The following ANK1 variants were observed in gnomAD, a reference collection of about 807,000 sequenced individuals.
The protein encoded by ANK1 is ankyrin 1.
A neutral mutation model predicts 210.4 loss-of-function variants in ANK1; 51 were observed. The observed-to-expected ratio is 0.24, with a 90% CI of 0.19 to 0.31. The LOEUF is 0.31. Among genes scored for constraint, ANK1 ranks in the 10% least tolerant of loss-of-function variants. ANK1 has a pLI of 1.00. For synonymous variants in ANK1, 967 were observed against 1,025.9 expected, an observed-to-expected ratio of 0.94 and a Z score of 1.10; for missense variants, 2,051 against 2,504.4, an observed-to-expected ratio of 0.82 and a Z score of 3.86.
intron 1 of ANK1, among the ~76,000 whole-genome samples, chr8:41,786,479 C>T (rs1490994108): frequency 2.0e-5 from 3 of 152,258 alleles, no homozygotes; most frequent in Admixed American, 6.5e-5. Flanking sequence ...CCAGCCACTG[C>T]TGGCTCTGAA....
chr8:41,718,862 CA>C, intron 10 of ANK1, among the ~76,000 whole-genome samples: 1 of 152,296 alleles, frequency 6.6e-6, no homozygotes, highest in Non-Finnish European at 1.5e-5. Flanking sequence ...AAACATCCTA[CA>C]ACACACAAGA....
intron 1 of ANK1, among the ~76,000 whole-genome samples, chr8:41,852,517 G>A (rs567471345): frequency 4.6e-5 from 7 of 152,202 alleles, no homozygotes; most frequent in Non-Finnish European, 8.8e-5. Context: ...GAGGCTGGGA[G>A]AGGCCCCAAG....
At chr8:41,776,483 A>T (rs375197589) in intron 1 of ANK1, among the ~76,000 whole-genome samples, 1 of 152,166 alleles carries the variant, frequency 6.6e-6, no homozygotes, top group Admixed American at 6.5e-5. Context: ...TCCATTGCAC[A>T]CTTCTGAACC....
intron 1 of ANK1, among the ~76,000 whole-genome samples, chr8:41,805,917 C>T (rs1035210886): frequency 5.3e-5 from 8 of 152,168 alleles, no homozygotes; most frequent in African/African-American, 1.4e-4. Context: ...ATTTTAATAG[C>T]CTTTTCATTT....
At chr8:41,803,263 G>A (rs986162376) in intron 1 of ANK1, 1 of 152,142 alleles carries the variant, frequency 6.6e-6, no homozygotes, top group Non-Finnish European at 1.5e-5. Flanking sequence ...GGTTGTTACA[G>A]TCTATAGATA....
intron 1 of ANK1, among the ~76,000 whole-genome samples, chr8:41,861,863 C>A (rs190167869): frequency 1.3e-5 from 2 of 152,220 alleles, no homozygotes; most frequent in East Asian, 1.9e-4. Context: ...TCTGAGCACG[C>A]CTTCTTAGAA....
In ANK1 at chr8:41,781,055, A is replaced by G. The variant is rs1409479723; in HGVS notation, c.27+16457T>C. 3.9e-5 allele frequency among the ~76,000 whole-genome samples: 6 copies of G among 152,192 alleles called. No individual in the cohort carries two copies. The East Asian group carries it at 1.2e-3, about 29-fold the overall frequency. ...TGTAAAATCCTCAACCAGAAGTGCTAAAGAGAAACGTCTCTGCCTGGTTCT... is the reference window on the plus strand; with the variant it reads ...TGTAAAATCCTCAACCAGAAGTGCTGAAGAGAAACGTCTCTGCCTGGTTCT... On this transcript the variant is annotated intron_variant, in intron 1 of 42. Coordinates refer to ENST00000289734, the MANE Select transcript of ANK1 (RefSeq NM_000037.4).
chr8:41,831,469 G>A (rs1394819737), intron 1 of ANK1, among the ~76,000 whole-genome samples: 1 of 152,028 alleles, frequency 6.6e-6, no homozygotes, highest in Non-Finnish European at 1.5e-5. Context: ...AAAACATGGT[G>A]AAACCCCATC....
chr8:41,849,908 G>A (rs1435686815), intron 1 of ANK1, among the ~76,000 whole-genome samples: 2 of 152,038 alleles, frequency 1.3e-5, no homozygotes, highest in Non-Finnish European at 1.5e-5. Context: ...CGATTGGCCA[G>A]GCACCATGCT....
chr8:41,844,078 G>A (rs1032190412), intron 1 of ANK1, among the ~76,000 whole-genome samples: 3 of 152,176 alleles, frequency 2.0e-5, no homozygotes, highest in African/African-American at 7.2e-5. Context: ...TTACTATGTT[G>A]TCCAGGCTGG....
intron 1 of ANK1, among the ~76,000 whole-genome samples, chr8:41,785,952 T>C (rs1846275489): frequency 6.6e-6 from 1 of 152,182 alleles, no homozygotes; most frequent in Admixed American, 6.5e-5. Flanking sequence ...ACTCTCCGCC[T>C]GGGAACCCTC....
rs1825355196 is a variant in ANK1, at chr8:41,708,715, A to G, written c.1998+63T>C. ...GAACCTGGGCACACATAGATGCTCAATATGAAGACACCACACGTTGTTATC... is the reference window on the plus strand; with the variant it reads ...GAACCTGGGCACACATAGATGCTCAGTATGAAGACACCACACGTTGTTATC... On this transcript the variant is annotated intron_variant, in intron 17 of 42. Coordinates refer to ENST00000289734, the MANE Select transcript of ANK1 (RefSeq NM_000037.4). 6.3e-6 allele frequency: 10 copies of G among 1,579,890 alleles called. No homozygotes were observed. The East Asian group carries it at 6.7e-5, about 11-fold the overall frequency.
At chr8:41,818,570 TAA>T (rs1289300430) in intron 1 of ANK1, among the ~76,000 whole-genome samples, 1 of 149,556 alleles carries the variant, frequency 6.7e-6, no homozygotes, top group Non-Finnish European at 1.5e-5. Context: ...CTCAAACCAA[TAA>T]GTCTTTCTTT....
chr8:41,667,742 G>A (rs935703980), intron 39 of ANK1, among the ~76,000 whole-genome samples: 5 of 152,116 alleles, frequency 3.3e-5, no homozygotes, highest in Admixed American at 2.6e-4. Context: ...CTTGGTGACC[G>A]CCATCCAGAG....
At position 41,695,277 on chromosome 8, in the gene ANK1, C is replaced by T. The variant is rs748996348; in HGVS notation, c.3015G>A (p.Glu1005=). 4.3e-6 allele frequency: 7 copies of T among 1,614,126 alleles called. No individual in the cohort carries two copies. In the Admixed American group the frequency reaches 1.2e-4, roughly 27 times the overall value. The change falls in exon 27 of 43, where the codon GAG becomes GAA. Residue 1005 remains glutamate, a synonymous_variant. Transcript: ENST00000289734. ...CGTTTTCGCTCCTCAGAACCACGAG[C>T]TCGCGGTCTCCACGGCCATGGGAGG... is the stretch of plus-strand genomic sequence containing the variant. ...HFASHGRGDR[E]LVVLRSENGS...
At chr8:41,672,333 C>T in intron 38 of ANK1, 21 bp downstream of exon 38, 1 of 1,613,008 alleles carries the variant, frequency 6.2e-7, no homozygotes, top group South Asian at 1.1e-5. Flanking sequence ...AGGGACCCTG[C>T]TCCCACAGTC....
chr8:41,775,142 C>T (rs878952872), intron 1 of ANK1, among the ~76,000 whole-genome samples: 6 of 151,910 alleles, frequency 3.9e-5, no homozygotes, highest in Non-Finnish European at 7.4e-5. Context: ...GATGCCCAGG[C>T]GTTGGACAGC....
At chr8:41,687,247 C>A (rs1204964366) in intron 35 of ANK1, among the ~76,000 whole-genome samples, 1 of 152,210 alleles carries the variant, frequency 6.6e-6, no homozygotes, top group Non-Finnish European at 1.5e-5. Flanking sequence ...GGGCTCTGGA[C>A]AGAAATACGG....
intron 37 of ANK1, among the ~76,000 whole-genome samples, chr8:41,682,411 G>A (rs367641408): frequency 5.3e-5 from 8 of 152,334 alleles, no homozygotes; most frequent in Non-Finnish European, 7.3e-5. Flanking sequence ...ACAATTCCCC[G>A]CGTGGCTCTC....
Sources: allele counts gnomAD v4.1 joint callset (sites outside exome capture counted in the v4.1 genomes callset), GRCh38; gene constraint gnomAD v4.1.1; transcripts MANE v1.5; gene names NCBI Gene and HGNC (gene_info 2026-07-23, HGNC 2026-07-21).